Variants in ZNF391 observed in about 807,000 individuals in gnomAD.
The protein encoded by ZNF391 is zinc finger protein 391.
For synonymous variants in ZNF391, 126 were observed against 142.1 expected, an observed-to-expected ratio of 0.89 and a Z score of 0.80; for missense variants, 375 against 425.5, an observed-to-expected ratio of 0.88 and a Z score of 1.04.
Position 27,403,171 on chromosome 6 carries a change from G to A in ZNF391, c.*1724G>A, listed in dbSNP as rs1762013852. The A allele has an allele frequency of 6.6e-6, 1 of 151,834 alleles. No individual in the cohort carries two copies. Among genetic ancestry groups the A allele is most frequent in the South Asian group, 2.1e-4 (1 of 4,816 alleles). 9.4% of individuals were successfully genotyped at this position (151,834 alleles called of 1,614,324 possible). On this transcript the variant is annotated 3_prime_UTR_variant, in exon 3 of 3. Transcript: ENST00000244576. The stretch of plus-strand genomic sequence containing the variant: ...TAAAAAAAAATAGTCGTTTCCCAGT[G>A]ACCTCTGCCCCAAATGTAAACTTCT...
rs778200502 is a variant in ZNF391, at chr6:27,400,867, A to C, written c.497A>C (p.Glu166Ala). 3.1e-6 allele frequency: 5 copies of C among 1,614,216 alleles called. No individual in the cohort carries two copies. The highest frequency in any genetic ancestry group is 3.3e-5 in the Admixed American group (2 of 60,026). Residue 166 changes from glutamate (E) to alanine (A), a missense_variant, in exon 3 of 3, where the codon GAA (glutamate) becomes GCA (alanine). Glu to Ala is a moderately radical substitution (Grantham distance 107). Transcript: ENST00000244576. ...QRTHTGEKPY[E>A]CNECGKAFSR... ...ACTCACACTGGAGAGAAACCTTATG[A>C]ATGCAATGAATGTGGAAAAGCTTTT...
At position 27,400,812 on chromosome 6, in the gene ZNF391, C is replaced by T. The variant is rs1439370327; in HGVS notation, c.442C>T (p.Arg148Ter). The T allele has an allele frequency of 2.5e-6, 4 of 1,614,096 alleles. No individual in the cohort carries two copies. Among genetic ancestry groups the T allele is most frequent in the South Asian group, 2.2e-5 (2 of 91,078 alleles). ...ECNKCGKSFS[R>*]STHLIEHQRT... is the part of the protein sequence containing the mutation. ...CAACAAATGTGGGAAATCTTTCAGC[C>T]GAAGTACACACCTTATTGAACATCA... is the stretch of plus-strand genomic sequence containing the variant. The change falls in exon 3 of 3, where the codon CGA (arginine) becomes TGA (stop). Residue 148 changes from arginine to a stop codon, truncating the protein, a stop_gained. Transcript: ENST00000244576. LOFTEE classifies it low-confidence loss of function (END_TRUNC).
chr6:27,375,476 A>G (rs1044824287), intron 1 of ZNF391, among the ~76,000 whole-genome samples: 3 of 152,204 alleles, frequency 2.0e-5, no homozygotes, highest in African/African-American at 7.2e-5. Flanking sequence ...AAGGACAGAA[A>G]CAGGTTCTTA....
chr6:27,400,223 C>T, intron 2 of ZNF391, 70 bp from the exon 3 acceptor site: 1 of 636,748 alleles, frequency 1.6e-6, no homozygotes, highest in Non-Finnish European at 2.6e-6. Context: ...GTTGTCTTTT[C>T]TCTGCTGGTT....
At chr6:27,385,462 C>T (rs1761572574), upstream of ZNF391, among the ~76,000 whole-genome samples, 1 of 152,080 alleles carries the variant, frequency 6.6e-6, no homozygotes, top group Admixed American at 6.5e-5. Flanking sequence ...ACCATACTAA[C>T]ACTAATCAAA....
chr6:27,400,558 G>T lies in ZNF391; in HGVS notation c.188G>T (p.Ser63Ile), dbSNP rs745342725. ...ACAGGGGAGGAAGGCCCTGAATCCA[G>T]TGAATTTAGTCTAAGCCCAAACCTT... ...IFTGEEGPES[S>I]EFSLSPNLDA... Residue 63 changes from serine (S) to isoleucine (I), a missense_variant, in exon 3 of 3, where the codon AGT becomes ATT. Physicochemically the swap from Ser to Ile is moderately radical, Grantham distance 142 (BLOSUM62 -2). Coordinates refer to ENST00000244576, the MANE Select transcript of ZNF391 (RefSeq NM_001076781.3). 1.9e-6 allele frequency: 3 copies of T among 1,614,052 alleles called. No homozygotes were observed. The African/African-American group carries it at 4.0e-5, about 22-fold the overall frequency.
chr6:27,395,297 G>A (rs10080569), intron 1 of ZNF391, among the ~76,000 whole-genome samples: 108,222 of 151,770 alleles, frequency 0.71, 38,768 homozygotes, highest in Middle Eastern at 0.82. Flanking sequence ...TAGATCCCTC[G>A]TGGCTTGGTG....
intron 1 of ZNF391, among the ~76,000 whole-genome samples, chr6:27,393,206 T>G (rs1761754037): frequency 6.6e-6 from 1 of 152,216 alleles, no homozygotes; most frequent in Non-Finnish European, 1.5e-5. Context: ...AATATGTGTC[T>G]CCACCAAATC....
At chr6:27,387,684 G>A (rs1450177201), upstream of ZNF391, among the ~76,000 whole-genome samples, 1 of 152,066 alleles carries the variant, frequency 6.6e-6, no homozygotes, top group Non-Finnish European at 1.5e-5. Flanking sequence ...TCTAGAACAG[G>A]CAAATTCATA....
chr6:27,378,507 A>C (rs150160855), intron 1 of ZNF391, among the ~76,000 whole-genome samples: 242 of 152,194 alleles, frequency 1.6e-3, no homozygotes, highest in African/African-American at 5.2e-3. Context: ...GAGCCAGGAG[A>C]AGGAATTTCA....
intron 1 of ZNF391, among the ~76,000 whole-genome samples, chr6:27,391,581 A>G (rs1374991920): frequency 6.6e-6 from 1 of 152,166 alleles, no homozygotes; most frequent in African/African-American, 2.4e-5. Context: ...GCCTTTCATT[A>G]AAAATAAAAC....
In ZNF391 at chr6:27,400,347, G is replaced by A. The variant is rs566447671; in HGVS notation, c.-24G>A. 7.1e-6 allele frequency: 11 copies of A among 1,560,026 alleles called. No individual in the cohort carries two copies. The highest frequency in any genetic ancestry group is 9.5e-6 in the Non-Finnish European group (11 of 1,154,276). On this transcript the variant is annotated 5_prime_UTR_variant, in exon 3 of 3. Transcript: ENST00000244576. ...CAACACCAATCAGACTGTTTCCGAA[G>A]AACTAGAGTTTTCTGGGTCAGCAAT...
In ZNF391 at chr6:27,376,392, T is replaced by C. The variant is rs1761418154; in HGVS notation, n.523+1255T>C. Among the ~76,000 whole-genome samples the C allele has an allele frequency of 6.6e-6, 1 of 152,182 alleles. No homozygotes were observed. The highest frequency in any genetic ancestry group is 2.4e-5 in the African/African-American group (1 of 41,432). ...AATTGCTGTAGAAACAGGCCCAAGA[T>C]GTTATTAAAGTTTCACAAGTAGCAA... On this transcript the variant is annotated intron_variant and non_coding_transcript_variant, in intron 1 of 2. Transcript: ENST00000477999. The surrounding 1 kb of genome is among the most constrained non-coding windows in gnomAD (Gnocchi z 4.7).
chr6:27,395,363 A>T lies in ZNF391; in HGVS notation c.-187-4079A>T, dbSNP rs369117006. ...GAGATCTGTTGTGTAAAAGCGTGTC[A>T]TCTCCCTGCCTGCCTTGCTCCTGCT... On this transcript the variant is annotated intron_variant, in intron 1 of 2. Coordinates refer to ENST00000244576, the MANE Select transcript of ZNF391 (RefSeq NM_001076781.3). Among the ~76,000 whole-genome samples the T allele has an allele frequency of 7.2e-5, 11 of 151,994 alleles. No homozygotes were observed. The South Asian group carries it at 1.7e-3, about 23-fold the overall frequency.
At chr6:27,388,518 T>C (rs1047571642), upstream of ZNF391, among the ~76,000 whole-genome samples, 3 of 152,212 alleles carry the variant, frequency 2.0e-5, no homozygotes, top group South Asian at 6.2e-4. Flanking sequence ...TTGTGTACGC[T>C]ATTTAAAACT....
chr6:27,390,794 G>T (rs189582497), intron 1 of ZNF391, among the ~76,000 whole-genome samples: 4 of 152,300 alleles, frequency 2.6e-5, no homozygotes, highest in Admixed American at 2.6e-4. Flanking sequence ...TACTATATAT[G>T]ATATTCTTTA....
intron 1 of ZNF391, among the ~76,000 whole-genome samples, chr6:27,381,154 C>T (rs1220112205): frequency 6.6e-6 from 1 of 152,236 alleles, no homozygotes; most frequent in African/African-American, 2.4e-5. Flanking sequence ...CGCACAGGAG[C>T]CCACGGAGGG....
At chr6:27,391,363 G>A (rs554214027) in intron 1 of ZNF391, among the ~76,000 whole-genome samples, 4 of 151,802 alleles carry the variant, frequency 2.6e-5, no homozygotes, top group South Asian at 2.1e-4. Context: ...CCACCACCAC[G>A]CCCAGCTAAT....
Position 27,376,134 on chromosome 6 carries a change from A to G in ZNF391, n.523+997A>G, listed in dbSNP as rs1210512068. Among the ~76,000 whole-genome samples, 3 of 152,130 alleles carry G rather than the reference A, an allele frequency of 2.0e-5. No homozygotes were observed. The highest frequency in any genetic ancestry group is 4.4e-5 in the Non-Finnish European group (3 of 68,016). The stretch of plus-strand genomic sequence containing the variant: ...CTGCCTCAATAATCACTCTCTTTAA[A>G]TGTTTATTGTTTCCTTATCAATGAC... On this transcript the variant is annotated intron_variant and non_coding_transcript_variant, in intron 1 of 2. Coordinates refer to the ZNF391 transcript ENST00000477999. The surrounding 1 kb of genome is among the most constrained non-coding windows in gnomAD (Gnocchi z 4.7).
Sources: allele counts gnomAD v4.1 joint callset (sites outside exome capture counted in the v4.1 genomes callset), GRCh38; gene constraint gnomAD v4.1.1; non-coding constraint Gnocchi (gnomAD v3.1); transcripts MANE v1.5; gene names NCBI Gene and HGNC (gene_info 2026-07-23, HGNC 2026-07-21).